Variants in FHIT observed in about 807,000 individuals in gnomAD.
The protein encoded by FHIT is fragile histidine triad diadenosine triphosphatase, also known as bis(5'-adenosyl)-triphosphatase.
FHIT carries 19 observed loss-of-function variants against 17.9 expected under a neutral mutation model. The ratio of observed to expected loss-of-function variants is 1.06; its 90% CI spans 0.74 to 1.56. FHIT has a LOEUF of 1.56. FHIT is among the 40% of genes most tolerant of loss of function. The pLI, the probability that FHIT is intolerant of heterozygous loss-of-function variation, is 0.00. For missense variants in FHIT, 248 were observed against 189.2 expected (o/e 1.31, Z -1.82); for synonymous variants, 81 against 69.7 (o/e 1.16, Z -0.81).
rs568442200 is a variant in FHIT, at chr3:61,035,015, C to T, written c.-111+7032G>A. 5.9e-5 allele frequency among the ~76,000 whole-genome samples: 9 copies of T among 152,238 alleles called. 1 individual carries two copies. In the South Asian group the frequency reaches 1.5e-3, roughly 25 times the overall value. On this transcript the variant is annotated intron_variant, in intron 3 of 9. Transcript: ENST00000492590. The stretch of plus-strand genomic sequence containing the variant: ...TTATAACCTGGGTGAACCTTGAAAA[C>T]ATGCCAAGTGAAAGAAACAAGACAC...
intron 5 of FHIT, among the ~76,000 whole-genome samples, chr3:60,034,200 G>A (rs2630161): frequency 0.056 from 8,543 of 152,294 alleles, 289 homozygotes; most frequent in South Asian, 0.095. Flanking sequence ...GGGTCAAGGT[G>A]AATGGCTTTG....
intron 5 of FHIT, among the ~76,000 whole-genome samples, chr3:60,162,753 T>A (rs992577909): frequency 1.1e-4 from 17 of 152,198 alleles, no homozygotes; most frequent in African/African-American, 3.6e-4. Context: ...CATTTTTTAG[T>A]CACTACGCTA....
intron 2 of FHIT, among the ~76,000 whole-genome samples, chr3:61,088,174 C>A (rs1009631716): frequency 1.3e-5 from 2 of 152,130 alleles, no homozygotes; most frequent in Non-Finnish European, 2.9e-5. Flanking sequence ...CTGCTGGGAG[C>A]CCACCTCTGT....
chr3:61,097,843 A>G (rs2035690488), intron 2 of FHIT, among the ~76,000 whole-genome samples: 1 of 151,912 alleles, frequency 6.6e-6, no homozygotes, highest in African/African-American at 2.4e-5. Context: ...TATATGCTGG[A>G]TATTAGATCT....
At chr3:60,911,414 A>C (rs1553765856) in intron 3 of FHIT, among the ~76,000 whole-genome samples, 1 of 150,016 alleles carries the variant, frequency 6.7e-6, no homozygotes, top group Admixed American at 6.6e-5. Flanking sequence ...CACCACCACT[A>C]CCACCACCAT....
chr3:61,155,200 C>T (rs1193331312), intron 2 of FHIT, among the ~76,000 whole-genome samples: 2 of 152,114 alleles, frequency 1.3e-5, no homozygotes, highest in Non-Finnish European at 2.9e-5. Context: ...ATTCAAAGTC[C>T]CCTCATAAGA....
At chr3:60,833,991 C>T (rs534269087) in intron 3 of FHIT, among the ~76,000 whole-genome samples, 4 of 152,170 alleles carry the variant, frequency 2.6e-5, no homozygotes, top group South Asian at 2.1e-4. Context: ...GAGTAGTATT[C>T]GATGGTATGG....
intron 5 of FHIT, among the ~76,000 whole-genome samples, chr3:60,364,136 T>TC (rs1341882727): frequency 6.6e-6 from 1 of 152,196 alleles, no homozygotes; most frequent in African/African-American, 2.4e-5. Flanking sequence ...TACCATCTGG[T>TC]CCCTCTTGGA....
At chr3:60,769,117 T>A (rs1341190302) in intron 4 of FHIT, among the ~76,000 whole-genome samples, 1 of 152,072 alleles carries the variant, frequency 6.6e-6, no homozygotes, top group African/African-American at 2.4e-5. Flanking sequence ...TATTAAAAAG[T>A]AAAGCAATTT....
chr3:60,825,595 A>G (rs577905264), intron 3 of FHIT, among the ~76,000 whole-genome samples: 8 of 152,210 alleles, frequency 5.3e-5, no homozygotes, highest in South Asian at 2.1e-4. Context: ...CTCCTGTCAG[A>G]TCAGCAGGGA....
chr3:60,520,800 T>A (rs557984819), intron 5 of FHIT, among the ~76,000 whole-genome samples: 1 of 152,034 alleles, frequency 6.6e-6, no homozygotes, highest in Admixed American at 6.5e-5. Context: ...CTAAACCCCC[T>A]GAGGGTTTAA....
intron 5 of FHIT, among the ~76,000 whole-genome samples, chr3:60,149,143 G>A (rs145053863): frequency 6.6e-6 from 1 of 152,140 alleles, no homozygotes; most frequent in African/African-American, 2.4e-5. Context: ...GAAACCACTG[G>A]TGTCAGAAAT....
intron 5 of FHIT, among the ~76,000 whole-genome samples, chr3:60,496,767 C>G (rs115774176): frequency 0.021 from 3,167 of 152,154 alleles, 39 homozygotes; most frequent in Non-Finnish European, 0.032. Context: ...GTCTTCCACT[C>G]AGGGACTAGA....
chr3:60,611,772 T>C (rs1398957591), intron 4 of FHIT, among the ~76,000 whole-genome samples: 3 of 152,170 alleles, frequency 2.0e-5, no homozygotes, highest in African/African-American at 7.2e-5. Flanking sequence ...GATGCCCTCG[T>C]AGGAGGAACT....
intron 5 of FHIT, among the ~76,000 whole-genome samples, chr3:60,189,242 G>A (rs192370714): frequency 6.6e-6 from 1 of 152,000 alleles, no homozygotes; most frequent in South Asian, 2.1e-4. Flanking sequence ...GCTGGGGGTG[G>A]GGGGGAAAGA....
chr3:61,096,435 G>A (rs2035641422), intron 2 of FHIT, among the ~76,000 whole-genome samples: 1 of 152,136 alleles, frequency 6.6e-6, no homozygotes. Flanking sequence ...AAGAGTCCTG[G>A]GACACAGTTA....
chr3:60,691,545 T>C (rs1269509438), intron 4 of FHIT, among the ~76,000 whole-genome samples: 1 of 152,062 alleles, frequency 6.6e-6, no homozygotes, highest in African/African-American at 2.4e-5. Context: ...AATTTTTGCC[T>C]TTTTTGAAGT....
At chr3:60,497,309 C>CTT (rs1177155423) in intron 5 of FHIT, among the ~76,000 whole-genome samples, 2 of 152,294 alleles carry the variant, frequency 1.3e-5, no homozygotes, top group Admixed American at 1.3e-4. Context: ...GTATCTATAA[C>CTT]TTTTCATTCT....
chr3:60,494,827 A>G (rs1304656670), intron 5 of FHIT, among the ~76,000 whole-genome samples: 3 of 152,190 alleles, frequency 2.0e-5, no homozygotes, highest in Non-Finnish European at 4.4e-5. Flanking sequence ...TTGTGGATAA[A>G]TAGTACTCCA....
Sources: allele counts gnomAD v4.1 joint callset (sites outside exome capture counted in the v4.1 genomes callset), GRCh38; gene constraint gnomAD v4.1.1; transcripts MANE v1.5; gene names NCBI Gene and HGNC (gene_info 2026-07-23, HGNC 2026-07-21).